OLA1: variants seen among roughly 807,000 people sequenced by gnomAD.
OLA1 encodes Obg like ATPase 1.
A neutral mutation model predicts 48.4 loss-of-function variants in OLA1; 14 were observed. The ratio of observed to expected loss-of-function variants is 0.29; its 90% CI spans 0.19 to 0.45. The LOEUF is 0.45. Ranked by LOEUF, OLA1 falls within the 20% of genes least tolerant of loss-of-function variation. The probability of loss-of-function intolerance (pLI) is 1.00; values close to 1 mark genes in which losing one functional copy is unlikely to be tolerated. For missense variants in OLA1, 325 were observed against 467.1 expected (o/e 0.70, Z 2.80); for synonymous variants, 127 against 150.4 (o/e 0.84, Z 1.14).
chr2:174,135,347 T>G (rs997496541), intron 5 of OLA1, among the ~76,000 whole-genome samples: 1 of 152,138 alleles, frequency 6.6e-6, no homozygotes, highest in African/African-American at 2.4e-5. Flanking sequence ...GGCCTTTATG[T>G]TGGCACTATC....
chr2:174,232,044 A>G (rs1200013414), intron 2 of OLA1, among the ~76,000 whole-genome samples: 1 of 152,208 alleles, frequency 6.6e-6, no homozygotes, highest in Non-Finnish European at 1.5e-5. Flanking sequence ...AAGTTGTAGG[A>G]ATTTCTCTCA....
chr2:174,149,603 T>C (rs1293554048), intron 4 of OLA1, among the ~76,000 whole-genome samples: 1 of 152,256 alleles, frequency 6.6e-6, no homozygotes, highest in African/African-American at 2.4e-5. Context: ...TTCTAATTTC[T>C]GTACCTCCCT....
intron 4 of OLA1, among the ~76,000 whole-genome samples, chr2:174,160,341 TTTCA>T (rs1686982375): frequency 2.6e-5 from 4 of 152,168 alleles, no homozygotes; most frequent in Admixed American, 2.6e-4. Flanking sequence ...CGTATAAACA[TTTCA>T]GCAAAGTCTT....
rs1558986475 is a variant in OLA1 at position 174,167,634 on chromosome 2, A to G, written c.374-25634T>C. Among the ~76,000 whole-genome samples, 3 of 152,228 alleles carry G rather than the reference A, an allele frequency of 2.0e-5. No homozygotes were observed. In the East Asian group the frequency reaches 5.8e-4, roughly 29 times the overall value. ...TTATTCACTTGATAAAATGTATTAC[A>G]TAGTAATTAAGGTATGATGGTAATA... On this transcript the variant is annotated intron_variant, in intron 4 of 10. Transcript: ENST00000284719.
At chr2:174,170,178 A>G (rs1173051288) in intron 4 of OLA1, among the ~76,000 whole-genome samples, 1 of 152,206 alleles carries the variant, frequency 6.6e-6, no homozygotes, top group Non-Finnish European at 1.5e-5. Context: ...ACTTGCAGTG[A>G]GCCGAGATCG....
At chr2:174,168,810 T>C (rs1173118391) in intron 4 of OLA1, among the ~76,000 whole-genome samples, 3 of 151,426 alleles carry the variant, frequency 2.0e-5, no homozygotes, top group African/African-American at 7.3e-5. Flanking sequence ...TCTAGATATA[T>C]GGACATAACA....
At chr2:174,125,363 G>T (rs1270204513) in intron 5 of OLA1, among the ~76,000 whole-genome samples, 1 of 152,072 alleles carries the variant, frequency 6.6e-6, no homozygotes, top group Non-Finnish European at 1.5e-5. Flanking sequence ...CTCTTTAATG[G>T]CTCCAGCAGG....
chr2:174,105,432 G>A (rs1195031000), intron 7 of OLA1, among the ~76,000 whole-genome samples: 2 of 151,900 alleles, frequency 1.3e-5, no homozygotes, highest in African/African-American at 4.8e-5. Context: ...GCTGCTAAAT[G>A]AAAACAAATA....
intron 7 of OLA1, among the ~76,000 whole-genome samples, chr2:174,110,302 A>ATTTTTTTTTTTTTTTTTTTT (rs575026912): frequency 2.6e-5 from 3 of 113,886 alleles, no homozygotes; most frequent in Non-Finnish European, 5.3e-5. Context: ...CCATGCTTGG[A>ATTTTTTTTTTTTTTTTTTTT]TTTTTTTTTT....
chr2:174,139,042 A>T (rs1008806477), intron 5 of OLA1, among the ~76,000 whole-genome samples: 2 of 152,204 alleles, frequency 1.3e-5, no homozygotes, highest in African/African-American at 4.8e-5. Flanking sequence ...TCCAAATGGG[A>T]TGTACATACA....
At chr2:174,076,931 A>G (rs1373339862) in intron 10 of OLA1, among the ~76,000 whole-genome samples, 1 of 152,116 alleles carries the variant, frequency 6.6e-6, no homozygotes, top group East Asian at 1.9e-4. Context: ...AACTATATAG[A>G]CAATATAAAT....
rs1558984651 is a variant in OLA1, at chr2:174,163,765, TATATA to T, written c.374-21770_374-21766del. ...ATATATATATATATATATATATATA[TATATA>T]TATATAAATAAATGTTTGGGTGCCT... On this transcript the variant is annotated intron_variant, in intron 4 of 10. Coordinates refer to ENST00000284719, the MANE Select transcript of OLA1 (RefSeq NM_013341.5). Among the ~76,000 whole-genome samples the T allele has an allele frequency of 5.4e-3, 174 of 32,146 alleles. 27 individuals are homozygous for T. Among genetic ancestry groups the T allele is most frequent in the Non-Finnish European group, 7.7e-3 (138 of 18,018 alleles). The allele number at this position is 32,146 out of a possible 152,430, so 21.1% of individuals were successfully genotyped here.
chr2:174,219,344 T>G (rs954687099), intron 4 of OLA1, among the ~76,000 whole-genome samples: 1 of 149,660 alleles, frequency 6.7e-6, no homozygotes, highest in Admixed American at 6.7e-5. Context: ...TCTAGGGAAA[T>G]CATTATCAGT....
At chr2:174,076,291 G>A (rs537330930) in intron 10 of OLA1, among the ~76,000 whole-genome samples, 8 of 152,200 alleles carry the variant, frequency 5.3e-5, no homozygotes, top group Non-Finnish European at 1.0e-4. Context: ...TTAGTCCATG[G>A]CATGAACTTT....
Position 174,144,951 on chromosome 2 carries a change from A to AAAAAATAT in OLA1, c.374-2952_374-2951insATATTTTT. 5.0e-5 allele frequency among the ~76,000 whole-genome samples: 2 copies of AAAAAATAT among 40,294 alleles called. 1 individual carries two copies. The highest frequency in any genetic ancestry group is 2.1e-4 in the African/African-American group (2 of 9,638). 26.4% of individuals were successfully genotyped at this position (40,294 alleles called of 152,430 possible). A position where few individuals can be genotyped will look rare whatever the true frequency, so the allele number is the denominator to read the frequency against. ...TGTTTAAAAAAAAAAAAAAAAAAAA[A>AAAAAATAT]ATATATATATATATATATATATATA... is the stretch of plus-strand genomic sequence containing the variant. On this transcript the variant is annotated intron_variant, in intron 4 of 10. Transcript: ENST00000284719.
intron 5 of OLA1, among the ~76,000 whole-genome samples, chr2:174,124,491 C>G (rs1471273271): frequency 2.0e-5 from 3 of 152,110 alleles, no homozygotes; most frequent in Non-Finnish European, 4.4e-5. Flanking sequence ...CAAACTGAAC[C>G]CTTCAAGCCT....
chr2:174,162,000 A>G (rs1687023155), intron 4 of OLA1, among the ~76,000 whole-genome samples: 1 of 152,184 alleles, frequency 6.6e-6, no homozygotes. Flanking sequence ...TAACTAAACC[A>G]TGGCATCAAA....
At position 174,230,952 on chromosome 2, in the gene OLA1, G is replaced by A. The variant is rs545906060; in HGVS notation, c.102-1501C>T. On this transcript the variant is annotated intron_variant, in intron 2 of 10. Coordinates refer to ENST00000284719, the MANE Select transcript of OLA1 (RefSeq NM_013341.5). ...AGCCACTTTTACCCTGGGGACCTGT[G>A]CCCATTCTGGGCAAAAGAAGGATGC... 5.3e-5 allele frequency among the ~76,000 whole-genome samples: 8 copies of A among 152,332 alleles called. No homozygotes were observed. In the South Asian group the frequency reaches 1.7e-3, roughly 32 times the overall value.
intron 4 of OLA1, among the ~76,000 whole-genome samples, chr2:174,152,981 C>G (rs186501174): frequency 1.3e-5 from 2 of 152,286 alleles, no homozygotes. Context: ...CCTTCCTCCT[C>G]TCTCATTACA....
Sources: gnomAD v4.1 joint callset for allele counts (sites outside exome capture counted in the v4.1 genomes callset) on GRCh38, gnomAD v4.1.1 for gene constraint, MANE v1.5 for transcripts, NCBI Gene and HGNC (gene_info 2026-07-23, HGNC 2026-07-21) for gene names.